Variants in SLC30A8 observed in about 807,000 individuals in gnomAD.
The protein encoded by SLC30A8 is solute carrier family 30 member 8, also known as proton-coupled zinc antiporter SLC30A8.
A neutral mutation model predicts 36.9 loss-of-function variants in SLC30A8; 27 were observed. That is an observed-to-expected ratio of 0.73 (90% CI 0.54 to 1.01). The LOEUF is 1.01. Ranked by LOEUF, SLC30A8 falls within the 50% of genes least tolerant of loss-of-function variation. The pLI, the probability that SLC30A8 is intolerant of heterozygous loss-of-function variation, is 0.00. For missense variants in SLC30A8, 439 were observed against 452.0 expected (o/e 0.97, Z 0.26); for synonymous variants, 164 against 172.4 (o/e 0.95, Z 0.38).
At chr8:117,086,555 T>C (rs576679786) in intron 2 of SLC30A8, among the ~76,000 whole-genome samples, 1 of 152,322 alleles carries the variant, frequency 6.6e-6, no homozygotes, top group East Asian at 1.9e-4. Flanking sequence ...GAGGTCAAAC[T>C]GGTTTAGACT....
chr8:117,157,583 T>G (rs1822560462), intron 3 of SLC30A8, 108 bp from the exon 4 acceptor site: 1 of 1,254,364 alleles, frequency 8.0e-7, no homozygotes, highest in Non-Finnish European at 1.1e-6. Flanking sequence ...TGAACTAATG[T>G]GAAGCCTTTT....
intron 1 of SLC30A8, among the ~76,000 whole-genome samples, chr8:117,037,547 C>G (rs1399093809): frequency 6.6e-6 from 1 of 152,108 alleles, no homozygotes; most frequent in African/African-American, 2.4e-5. Context: ...AACTTTGACT[C>G]TATGGATATT....
At chr8:117,137,374 G>C (rs1336409625) in intron 1 of SLC30A8, among the ~76,000 whole-genome samples, 3 of 151,922 alleles carry the variant, frequency 2.0e-5, no homozygotes, top group African/African-American at 7.2e-5. Context: ...GTTACTGGCT[G>C]TTAAGAAACT....
chr8:117,072,493 A>G (rs1466891355), intron 2 of SLC30A8, among the ~76,000 whole-genome samples: 1 of 152,138 alleles, frequency 6.6e-6, no homozygotes, highest in Non-Finnish European at 1.5e-5. Flanking sequence ...CATCCTTAAT[A>G]CCTAGTATAC....
intron 2 of SLC30A8, among the ~76,000 whole-genome samples, chr8:117,080,199 C>T (rs59963665): frequency 0.059 from 8,928 of 151,944 alleles, 304 homozygotes; most frequent in East Asian, 0.12. Context: ...ACAAATAATC[C>T]ATGGTCATTA....
intron 5 of SLC30A8, among the ~76,000 whole-genome samples, chr8:117,162,743 G>A (rs1007552453): frequency 9.9e-5 from 15 of 152,168 alleles, no homozygotes; most frequent in Non-Finnish European, 2.2e-4. Flanking sequence ...ACTAGTTTGA[G>A]GGTCCACTTA....
chr8:116,993,735 A>C (rs1276176422), intron 1 of SLC30A8, among the ~76,000 whole-genome samples: 1 of 152,018 alleles, frequency 6.6e-6, no homozygotes, highest in Non-Finnish European at 1.5e-5. Context: ...AAGCTTAAAA[A>C]CTTACTGGAT....
chr8:117,160,446 T>TGCGC (rs1554592248), intron 4 of SLC30A8, among the ~76,000 whole-genome samples: 21 of 144,618 alleles, frequency 1.5e-4, no homozygotes, highest in African/African-American at 5.1e-4. Context: ...CGCGCACATG[T>TGCGC]GCGCGCGGTG....
intron 2 of SLC30A8, among the ~76,000 whole-genome samples, chr8:117,066,495 A>T (rs1471262448): frequency 6.6e-6 from 1 of 151,596 alleles, no homozygotes; most frequent in Non-Finnish European, 1.5e-5. Context: ...CAGAAAAGTG[A>T]TTTTTTTTTC....
At chr8:117,121,494 CCTT>C (rs1302761347) in intron 2 of SLC30A8, among the ~76,000 whole-genome samples, 1 of 151,858 alleles carries the variant, frequency 6.6e-6, no homozygotes, top group Non-Finnish European at 1.5e-5. Flanking sequence ...CCAGATGGTG[CCTT>C]CTTGTTGTGT....
chr8:117,163,411 GT>G lies in SLC30A8; in HGVS notation c.724-5del, dbSNP rs201353146. 1,209 of 1,539,370 alleles carry G rather than the reference GT, an allele frequency of 7.9e-4. 5 individuals carry two copies. Among genetic ancestry groups the G allele is most frequent in the Admixed American group, 3.5e-3 (199 of 56,596 alleles). On this transcript the variant is annotated splice_polypyrimidine_tract_variant and intron_variant, in intron 5 of 7. Coordinates refer to ENST00000456015, the MANE Select transcript of SLC30A8 (RefSeq NM_173851.3). ...ATGAATTCAGTTAACCAAAATCCCTGTTTTTTTTTCTAGCCAGAGTATAAAA... is the reference window on the plus strand; with the variant it reads ...ATGAATTCAGTTAACCAAAATCCCTGTTTTTTTTCTAGCCAGAGTATAAAA...
At chr8:117,146,532 G>A (rs1213799561) in intron 1 of SLC30A8, among the ~76,000 whole-genome samples, 1 of 152,132 alleles carries the variant, frequency 6.6e-6, no homozygotes, top group African/African-American at 2.4e-5. Context: ...ATGTTGATGT[G>A]TATTTGAATC....
In SLC30A8 at chr8:117,146,949, C is replaced by A; in HGVS notation, c.72-5C>A. 1 of 1,613,724 alleles carries A rather than the reference C, an allele frequency of 6.2e-7. No individual in the cohort carries two copies. Among genetic ancestry groups the A allele is most frequent in the Non-Finnish European group, 8.5e-7 (1 of 1,179,834 alleles). On this transcript the variant is annotated splice_polypyrimidine_tract_variant and splice_region_variant and intron_variant, in intron 1 of 7. Coordinates refer to ENST00000456015, the MANE Select transcript of SLC30A8 (RefSeq NM_173851.3). The stretch of plus-strand genomic sequence containing the variant: ...ACTTCTTGCTTCTGTCAAACTCATC[C>A]ATAGTGTGGAACTCCAACAGAAACC...
At chr8:117,019,945 G>GA (rs1215664424) in intron 1 of SLC30A8, among the ~76,000 whole-genome samples, 1 of 152,176 alleles carries the variant, frequency 6.6e-6, no homozygotes, top group Non-Finnish European at 1.5e-5. Flanking sequence ...GAACATGTAG[G>GA]ACAACAACAC....
At position 117,176,308 on chromosome 8, in the gene SLC30A8, TC is replaced by T; in HGVS notation, c.*3629del. Reference sequence around the variant, plus strand: ...TCCATCCCCACCCAATGAAATATGATCCAGAGAGTCTTGCAAAGAGACAAGC... The same window carrying T: ...TCCATCCCCACCCAATGAAATATGATCAGAGAGTCTTGCAAAGAGACAAGC... On this transcript the variant is annotated 3_prime_UTR_variant, in exon 8 of 8. Coordinates refer to ENST00000456015, the MANE Select transcript of SLC30A8 (RefSeq NM_173851.3). The T allele has an allele frequency of 6.6e-6, 1 of 152,470 alleles. No individual in the cohort carries two copies. Among genetic ancestry groups the T allele is most frequent in the Admixed American group, 6.6e-5 (1 of 15,240 alleles). 9.4% of individuals were successfully genotyped at this position (152,470 alleles called of 1,614,324 possible).
In SLC30A8 at chr8:117,016,977, A is replaced by C. The variant is rs148130431; in HGVS notation, c.-265-22242A>C. 2.2e-3 allele frequency among the ~76,000 whole-genome samples: 336 copies of C among 152,194 alleles called. 2 individuals are homozygous for C. Among genetic ancestry groups the C allele is most frequent in the African/African-American group, 7.9e-3 (326 of 41,514 alleles). On this transcript the variant is annotated intron_variant, in intron 1 of 10. Coordinates refer to the SLC30A8 transcript ENST00000427715. ...AAATCAGGGAAGATCGTCGAGGTTTAAGGTATAGTAAGGTGGTTAAGAGAG... is the reference window on the plus strand; with the variant it reads ...AAATCAGGGAAGATCGTCGAGGTTTCAGGTATAGTAAGGTGGTTAAGAGAG...
chr8:117,004,395 G>T (rs1248225371), intron 1 of SLC30A8, among the ~76,000 whole-genome samples: 1 of 152,196 alleles, frequency 6.6e-6, no homozygotes, highest in Non-Finnish European at 1.5e-5. Context: ...ATAAAGTCCT[G>T]GGAAATATAC....
intron 1 of SLC30A8, among the ~76,000 whole-genome samples, chr8:116,994,516 A>G (rs1586373984): frequency 6.6e-6 from 1 of 152,140 alleles, no homozygotes; most frequent in Non-Finnish European, 1.5e-5. Context: ...AAACAGTGTT[A>G]GCTGAAAGAA....
intron 2 of SLC30A8, among the ~76,000 whole-genome samples, chr8:117,118,693 A>C (rs994864220): frequency 1.3e-5 from 2 of 151,930 alleles, no homozygotes; most frequent in African/African-American, 2.4e-5. Flanking sequence ...ATTAAAAAAT[A>C]GCCATTCCAA....
Sources: allele counts gnomAD v4.1 joint callset (sites outside exome capture counted in the v4.1 genomes callset), GRCh38; gene constraint gnomAD v4.1.1; transcripts MANE v1.5; gene names NCBI Gene and HGNC (gene_info 2026-07-23, HGNC 2026-07-21).